The following PAK1 variants were observed in gnomAD, a reference collection of about 807,000 sequenced individuals.
PAK1 encodes serine/threonine-protein kinase PAK 1.
A neutral mutation model predicts 67.4 loss-of-function variants in PAK1; 29 were observed. The ratio of observed to expected loss-of-function variants is 0.43; its 90% CI spans 0.32 to 0.59. The LOEUF is 0.59. Among genes scored for constraint, PAK1 ranks in the 20% least tolerant of loss-of-function variants. PAK1 has a pLI of 0.07. For synonymous variants in PAK1, 223 were observed against 237.4 expected, an observed-to-expected ratio of 0.94 and a Z score of 0.56; for missense variants, 337 against 670.7, an observed-to-expected ratio of 0.50 and a Z score of 5.50.
intron 5 of PAK1, among the ~76,000 whole-genome samples, chr11:77,372,127 T>G (rs897120592): frequency 6.6e-6 from 1 of 152,234 alleles, no homozygotes; most frequent in Non-Finnish European, 1.5e-5. Context: ...TTTAACACCG[T>G]GCATCGCAGG....
At chr11:77,429,050 T>C in intron 1 of PAK1, among the ~76,000 whole-genome samples, 1 of 56,438 alleles carries the variant, frequency 1.8e-5, no homozygotes, top group East Asian at 4.7e-4. Flanking sequence ...AAATGCCATT[T>C]AATACTAAAA....
chr11:77,514,699 G>A, the PAK1 span, among the ~76,000 whole-genome samples: 1 of 152,188 alleles, frequency 6.6e-6, no homozygotes, highest in Non-Finnish European at 1.5e-5. Context: ...GTTAGTCTGA[G>A]GCTTCCTGGG....
chr11:77,477,371 C>CA (rs968923793), upstream of PAK1, among the ~76,000 whole-genome samples: 8 of 152,082 alleles, frequency 5.3e-5, no homozygotes, highest in African/African-American at 1.9e-4. Flanking sequence ...AAATAAAGAC[C>CA]AAAACACCTC....
chr11:77,377,050 G>A (rs542163363), intron 4 of PAK1, among the ~76,000 whole-genome samples: 1 of 152,144 alleles, frequency 6.6e-6, no homozygotes, highest in South Asian at 2.1e-4. Context: ...AAGCCAAGGT[G>A]AGCAGGTCAC....
chr11:77,349,135 A>C (rs1944869281), intron 9 of PAK1, 104 bp downstream of exon 9: 5 of 841,796 alleles, frequency 5.9e-6, no homozygotes, highest in South Asian at 3.2e-5. Context: ...AAAAAAAAAA[A>C]AAAAAACCTA....
At chr11:77,364,688 G>C (rs1947263479) in intron 5 of PAK1, among the ~76,000 whole-genome samples, 1 of 151,996 alleles carries the variant, frequency 6.6e-6, no homozygotes, top group South Asian at 2.1e-4. Flanking sequence ...CGACCTAGGG[G>C]GAAAAAAGCA....
At chr11:77,411,571 T>C (rs2138039513) in intron 1 of PAK1, among the ~76,000 whole-genome samples, 1 of 152,214 alleles carries the variant, frequency 6.6e-6, no homozygotes, top group Non-Finnish European at 1.5e-5. Flanking sequence ...AGAGCTCTGA[T>C]TCCAGTGCAG....
At chr11:77,505,347 C>G in the PAK1 span, among the ~76,000 whole-genome samples, 1 of 152,078 alleles carries the variant, frequency 6.6e-6, no homozygotes, top group Non-Finnish European at 1.5e-5. Context: ...GCCATCAGGC[C>G]CAGCTAATTT....
At chr11:77,365,269 G>T (rs6592716) in intron 5 of PAK1, among the ~76,000 whole-genome samples, 2 of 130,318 alleles carry the variant, frequency 1.5e-5, no homozygotes, top group African/African-American at 5.8e-5. Flanking sequence ...AAAAAAAAAA[G>T]AAAAAAGAAA....
chr11:77,493,660 C>T, the PAK1 span, among the ~76,000 whole-genome samples: 2 of 151,786 alleles, frequency 1.3e-5, no homozygotes, highest in African/African-American at 4.8e-5. Context: ...AAAAAGGACT[C>T]ACCACCCACA....
At chr11:77,423,702 T>C (rs773297125) in intron 1 of PAK1, among the ~76,000 whole-genome samples, 1 of 152,206 alleles carries the variant, frequency 6.6e-6, no homozygotes, top group Non-Finnish European at 1.5e-5. Context: ...AAAGGCCAAA[T>C]AGTAAATATT....
At chr11:77,452,454 T>C (rs1194269182) in intron 1 of PAK1, among the ~76,000 whole-genome samples, 1 of 152,190 alleles carries the variant, frequency 6.6e-6, no homozygotes, top group Non-Finnish European at 1.5e-5. Flanking sequence ...AACTAACTTA[T>C]ATAATATTGA....
rs977002245 is a variant in PAK1, at chr11:77,337,216, TAAAG to T, written c.1216+104_1216+107del. The T allele has an allele frequency of 1.3e-4, 71 of 554,204 alleles. No individual in the cohort carries two copies. The African/African-American group carries it at 1.3e-3, about 10-fold the overall frequency. 34.3% of individuals were successfully genotyped at this position (554,204 alleles called of 1,614,324 possible). A position where few individuals can be genotyped will look rare whatever the true frequency, so the allele number is the denominator to read the frequency against. The stretch of plus-strand genomic sequence containing the variant: ...ACAGCCCTCATATCCCATGAAATCA[TAAAG>T]ACCCTTTGGTGAGTGTCGTAGTTAC... On this transcript the variant is annotated intron_variant, in intron 12 of 14. Transcript: ENST00000356341.
At chr11:77,489,529 G>A in the PAK1 span, among the ~76,000 whole-genome samples, 7 of 152,004 alleles carry the variant, frequency 4.6e-5, no homozygotes, top group East Asian at 1.9e-4. Flanking sequence ...CTGCCATCTC[G>A]GCTCACTGCA....
At chr11:77,381,182 G>GTGTGT (rs1442039950) in intron 2 of PAK1, among the ~76,000 whole-genome samples, 4 of 146,626 alleles carry the variant, frequency 2.7e-5, no homozygotes, top group African/African-American at 1.1e-4. Flanking sequence ...TGTGTAGAGA[G>GTGTGT]AGAGAGAGAA....
intron 5 of PAK1, among the ~76,000 whole-genome samples, chr11:77,372,581 TTG>T (rs1466071752): frequency 6.6e-6 from 1 of 152,206 alleles, no homozygotes; most frequent in Non-Finnish European, 1.5e-5. Flanking sequence ...TGACTCGGTA[TTG>T]TGTTAGAACT....
intron 1 of PAK1, among the ~76,000 whole-genome samples, chr11:77,401,015 C>T (rs1952605021): frequency 6.6e-6 from 1 of 152,176 alleles, no homozygotes; most frequent in African/African-American, 2.4e-5. Flanking sequence ...CACTACACTG[C>T]TGACTCTAGA....
the PAK1 span, among the ~76,000 whole-genome samples, chr11:77,529,587 G>T: frequency 2.6e-5 from 4 of 152,274 alleles, no homozygotes; most frequent in East Asian, 5.8e-4. Flanking sequence ...GGAAGGCCTG[G>T]GTTCTGTTCT....
intron 1 of PAK1, among the ~76,000 whole-genome samples, chr11:77,402,674 C>T (rs1004472333): frequency 2.0e-5 from 3 of 152,132 alleles, no homozygotes; most frequent in African/African-American, 4.8e-5. Context: ...TGAAATCTAT[C>T]GTACTGTCTC....
Sources: gnomAD v4.1 joint callset for allele counts (sites outside exome capture counted in the v4.1 genomes callset) on GRCh38, gnomAD v4.1.1 for gene constraint, MANE v1.5 for transcripts, NCBI Gene and HGNC (gene_info 2026-07-23, HGNC 2026-07-21) for gene names.